RUNX3: variants seen among roughly 807,000 people sequenced by gnomAD.
RUNX3 encodes runt-related transcription factor 3.
RUNX3 carries 10 observed loss-of-function variants against 27.7 expected under a neutral mutation model. That is an observed-to-expected ratio of 0.36 (90% CI 0.22 to 0.61). The LOEUF (loss-of-function observed/expected upper bound fraction) is 0.61. RUNX3 is among the 20% of genes least tolerant of loss of function. The probability of loss-of-function intolerance (pLI) is 0.72; values close to 1 mark genes in which losing one functional copy is unlikely to be tolerated. For missense variants in RUNX3, 469 were observed against 629.5 expected (o/e 0.75, Z 2.73); for synonymous variants, 270 against 269.2 (o/e 1.00, Z -0.03).
At chr1:24,911,406 G>C (rs1408781729) in intron 3 of RUNX3, among the ~76,000 whole-genome samples, 1 of 152,204 alleles carries the variant, frequency 6.6e-6, no homozygotes, top group Non-Finnish European at 1.5e-5. Flanking sequence ...GCCAGCCTGG[G>C]TTCGAGGACG....
exon 1 of RUNX3, chr1:24,964,895 G>A (rs1192730182): frequency 5.1e-5 from 22 of 430,590 alleles, no homozygotes; most frequent in South Asian, 1.2e-4. Flanking sequence ...CAACAGAAGC[G>A]TATGCAGAGT....
intron 3 of RUNX3, among the ~76,000 whole-genome samples, chr1:24,918,652 C>A (rs2124280369): frequency 6.6e-6 from 1 of 152,278 alleles, no homozygotes; most frequent in Non-Finnish European, 1.5e-5. Flanking sequence ...TACCCTCCCA[C>A]TTCCCCAGCC....
At chr1:24,945,867 C>A (rs1254499686) in intron 2 of RUNX3, among the ~76,000 whole-genome samples, 1 of 152,146 alleles carries the variant, frequency 6.6e-6, no homozygotes, top group Non-Finnish European at 1.5e-5. Flanking sequence ...GACTTGGCCC[C>A]CTCTCTTTCC....
rs754361603 is a variant in RUNX3 at position 24,902,710 on chromosome 1, C to T, written c.704-44G>A. On this transcript the variant is annotated intron_variant, in intron 4 of 4. Transcript: ENST00000308873. The surrounding 1 kb of genome is among the most constrained non-coding windows in gnomAD (Gnocchi z 9.2). ...GAGGTCAGTTCCAGCTCGAGACAACCCCAGGAGGGCTTCCTGAAGAATGAC... is the reference window on the plus strand; with the variant it reads ...GAGGTCAGTTCCAGCTCGAGACAACTCCAGGAGGGCTTCCTGAAGAATGAC... 2.1e-6 allele frequency: 3 copies of T among 1,456,940 alleles called. No homozygotes were observed. The East Asian group carries it at 7.1e-5, about 34-fold the overall frequency. 90.3% of individuals were successfully genotyped at this position (1,456,940 alleles called of 1,614,324 possible). A position where few individuals can be genotyped will look rare whatever the true frequency, so the allele number is the denominator to read the frequency against.
chr1:24,964,362 C>G, intron 2 of RUNX3: 1 of 675,288 alleles, frequency 1.5e-6, no homozygotes, highest in Non-Finnish European at 2.7e-6. Context: ...ACAGAGACCA[C>G]CAACCCCTCT....
At chr1:24,913,197 G>C (rs1457193933) in intron 3 of RUNX3, among the ~76,000 whole-genome samples, 1 of 152,240 alleles carries the variant, frequency 6.6e-6, no homozygotes, top group Non-Finnish European at 1.5e-5. Context: ...CCCCGCGTTG[G>C]CCCTCAGGGC....
chr1:24,919,199 C>A (rs953786684), intron 3 of RUNX3, 41 bp downstream of exon 3: 1 of 1,308,432 alleles, frequency 7.6e-7, no homozygotes, highest in Non-Finnish European at 1.1e-6. Flanking sequence ...ACTGGACCCT[C>A]CTCCCCCGCG....
chr1:24,908,948 C>T (rs1640743245), intron 3 of RUNX3, among the ~76,000 whole-genome samples: 1 of 152,156 alleles, frequency 6.6e-6, no homozygotes, highest in African/African-American at 2.4e-5. Flanking sequence ...GTGTAGGGGG[C>T]TTGCATGAGG....
intron 2 of RUNX3, among the ~76,000 whole-genome samples, chr1:24,959,212 T>C (rs559197071): frequency 3.3e-5 from 5 of 152,306 alleles, no homozygotes; most frequent in Admixed American, 2.0e-4. Context: ...ATATGACCAG[T>C]GGGGCTGCTG....
At chr1:24,955,632 T>G (rs914038233) in intron 2 of RUNX3, among the ~76,000 whole-genome samples, 1 of 152,144 alleles carries the variant, frequency 6.6e-6, no homozygotes, top group African/African-American at 2.4e-5. Flanking sequence ...CTGGGCTGAA[T>G]CTCGAGGCTC....
rs192495735 is a variant in RUNX3 at position 24,923,972 on chromosome 1, C to T, written c.439+3602G>A. ...CATAGTGTTGGGGTGGCACTGCCAG[C>T]GTTAGGGGTGGGGTGCGTGTATGTG... On this transcript the variant is annotated intron_variant, in intron 2 of 4. Coordinates refer to ENST00000308873, the MANE Select transcript of RUNX3 (RefSeq NM_004350.3). The surrounding 1 kb of genome is among the most constrained non-coding windows in gnomAD (Gnocchi z 5.9). Among the ~76,000 whole-genome samples the T allele has an allele frequency of 7.9e-5, 12 of 152,248 alleles. No homozygotes were observed. Among genetic ancestry groups the T allele is most frequent in the African/African-American group, 2.9e-4 (12 of 41,534 alleles).
chr1:24,929,975 CA>C lies in RUNX3; in HGVS notation c.-108del. 8.4e-7 allele frequency: 1 copy of C among 1,188,386 alleles called. No homozygotes were observed. Among genetic ancestry groups the C allele is most frequent in the Middle Eastern group, 3.4e-4 (1 of 2,956 alleles). 73.6% of individuals were successfully genotyped at this position (1,188,386 alleles called of 1,614,324 possible). A position where few individuals can be genotyped will look rare whatever the true frequency, so the allele number is the denominator to read the frequency against. On this transcript the variant is annotated 5_prime_UTR_variant, in exon 1 of 5. Coordinates refer to ENST00000308873, the MANE Select transcript of RUNX3 (RefSeq NM_004350.3). Reference sequence around the variant, plus strand: ...GCCGCTGCCGCGAGAAGCGGGAAAGCAGAAGCGGCGGGGCCCGGGCCTCAGG... The same window carrying C: ...GCCGCTGCCGCGAGAAGCGGGAAAGCGAAGCGGCGGGGCCCGGGCCTCAGG...
chr1:24,924,801 T>C (rs1641068350), intron 2 of RUNX3, among the ~76,000 whole-genome samples: 1 of 152,212 alleles, frequency 6.6e-6, no homozygotes, highest in Admixed American at 6.5e-5. Flanking sequence ...TAGTAAGGCT[T>C]GATATAAAAT....
rs1640944481 is a variant in RUNX3, at chr1:24,919,115, G to A, written c.544+125C>T. ...GTTTGCCAGCAGGCACGCAGTGTGT[G>A]GGGGCACAGAGCCAAGGACTGCAAC... On this transcript the variant is annotated intron_variant, in intron 3 of 4. Coordinates refer to ENST00000308873, the MANE Select transcript of RUNX3 (RefSeq NM_004350.3). 12 of 596,626 alleles carry A rather than the reference G, an allele frequency of 2.0e-5. No homozygotes were observed. The South Asian group carries it at 2.5e-4, about 12-fold the overall frequency. 37.0% of individuals were successfully genotyped at this position (596,626 alleles called of 1,614,324 possible).
intron 2 of RUNX3, among the ~76,000 whole-genome samples, chr1:24,960,883 C>T (rs1016030434): frequency 6.6e-6 from 1 of 152,096 alleles, no homozygotes; most frequent in Non-Finnish European, 1.5e-5. Context: ...TCAGCTTCCC[C>T]ATTTGTCACA....
intron 2 of RUNX3, among the ~76,000 whole-genome samples, chr1:24,960,669 A>AGG (rs1447868733): frequency 6.6e-6 from 1 of 151,152 alleles, no homozygotes; most frequent in Admixed American, 6.6e-5. Context: ...ACCTGGTGTG[A>AGG]GGGGGGGGTG....
upstream of RUNX3, among the ~76,000 whole-genome samples, chr1:24,933,947 A>G (rs1239963772): frequency 6.6e-6 from 1 of 152,146 alleles, no homozygotes; most frequent in Admixed American, 6.5e-5. Context: ...GGTGAAACCT[A>G]TCTCCTGCCC....
At chr1:24,921,894 C>G (rs1376989813) in intron 2 of RUNX3, among the ~76,000 whole-genome samples, 1 of 152,232 alleles carries the variant, frequency 6.6e-6, no homozygotes, top group African/African-American at 2.4e-5. Flanking sequence ...TCCTTCAGGT[C>G]GCCCACCTTC....
At chr1:24,922,906 T>A (rs1409340636) in intron 2 of RUNX3, among the ~76,000 whole-genome samples, 1 of 151,616 alleles carries the variant, frequency 6.6e-6, no homozygotes, top group African/African-American at 2.4e-5. Context: ...ATGCTTTTAA[T>A]AATCCATCTA....
Sources: allele counts gnomAD v4.1 joint callset (sites outside exome capture counted in the v4.1 genomes callset), GRCh38; gene constraint gnomAD v4.1.1; non-coding constraint Gnocchi (gnomAD v3.1); transcripts MANE v1.5; gene names NCBI Gene and HGNC (gene_info 2026-07-23, HGNC 2026-07-21).